BCAS3: variants seen among roughly 807,000 people sequenced by gnomAD.
BCAS3 encodes BCAS4/BCAS3 fusion.
In BCAS3, 53 loss-of-function variants were observed where a neutral mutation model predicts 116.1. The observed-to-expected ratio is 0.46, with a 90% CI of 0.37 to 0.57. The LOEUF (loss-of-function observed/expected upper bound fraction) is 0.57, where lower values mean the gene tolerates loss of function less well. Ranked by LOEUF, BCAS3 falls within the 20% of genes least tolerant of loss-of-function variation. BCAS3 has a pLI of 0.00. For missense variants in BCAS3, 917 were observed against 1,165.4 expected (o/e 0.79, Z 3.10); for synonymous variants, 391 against 408.2 (o/e 0.96, Z 0.51).
chr17:60,780,405 C>T (rs967625466), intron 6 of BCAS3, among the ~76,000 whole-genome samples: 13 of 151,654 alleles, frequency 8.6e-5, no homozygotes, highest in African/African-American at 1.9e-4. Flanking sequence ...TGGGTTCAAG[C>T]GATTCTCCTG....
At position 61,378,483 on chromosome 17, in the gene BCAS3, C is replaced by T. The variant is rs1173710457; in HGVS notation, c.2593+9989C>T. ...CATTAACTTGCTCACCAATTCCCTTCGTTTTGCCATTGGAAAAGGGCCGGC... is the reference window on the plus strand; with the variant it reads ...CATTAACTTGCTCACCAATTCCCTTTGTTTTGCCATTGGAAAAGGGCCGGC... On this transcript the variant is annotated intron_variant, in intron 23 of 23. Transcript: ENST00000407086. This position sits in a 1 kb window ranked among gnomAD's most constrained non-coding sequence, Gnocchi z 5.8. 2 of 152,244 alleles carry T rather than the reference C, an allele frequency of 1.3e-5. No homozygotes were observed. Among genetic ancestry groups the T allele is most frequent in the Non-Finnish European group, 2.9e-5 (2 of 68,070 alleles). The allele number at this position is 152,244 out of a possible 1,614,324, so 9.4% of individuals were successfully genotyped here.
chr17:60,758,360 T>G (rs956332091), intron 6 of BCAS3, among the ~76,000 whole-genome samples: 4 of 152,178 alleles, frequency 2.6e-5, no homozygotes, highest in African/African-American at 9.6e-5. Context: ...CATTGATACT[T>G]TGTATTGTTT....
rs1312858484 is a variant in BCAS3, at chr17:61,116,249, T to TAAAA, written c.2425+31688_2425+31689insAAAA. ...TAAAACTTAAAGTATAATAAAAAAA[T>TAAAA]AAATAAATAAATAAATAAATAAATA... On this transcript the variant is annotated intron_variant, in intron 22 of 23. Transcript: ENST00000407086. Among the ~76,000 whole-genome samples the TAAAA allele has an allele frequency of 2.1e-3, 40 of 19,506 alleles. No homozygotes were observed. The South Asian group carries it at 0.028, about 14-fold the overall frequency. The allele number at this position is 19,506 out of a possible 152,430, so 12.8% of individuals were successfully genotyped here.
chr17:61,337,675 T>G lies in BCAS3; in HGVS notation c.2426-30652T>G, dbSNP rs2056833603. 6.6e-6 allele frequency among the ~76,000 whole-genome samples: 1 copy of G among 152,220 alleles called. No homozygotes were observed. The highest frequency in any genetic ancestry group is 1.5e-5 in the Non-Finnish European group (1 of 68,038). ...TGGTGGGATTGTTTTTATTGTTTTT[T>G]TTTCCTTTTTCTTTTTGCGCTCACC... On this transcript the variant is annotated intron_variant, in intron 22 of 23. Transcript: ENST00000407086. The surrounding 1 kb of genome is among the most constrained non-coding windows in gnomAD (Gnocchi z 4.8).
chr17:61,322,856 C>CAGAGAGAGAGAGACAGAGAGAGAGAG (rs2055404974), intron 22 of BCAS3, among the ~76,000 whole-genome samples: 6 of 60,512 alleles, frequency 9.9e-5, no homozygotes, highest in Non-Finnish European at 1.7e-4. Context: ...GAGAGAGAGA[C>CAGAGAGAGAGAGACAGAGAGAGAGAG]AGAGAGAGAG....
At chr17:61,135,673 A>T (rs924807280) in intron 22 of BCAS3, among the ~76,000 whole-genome samples, 3 of 152,196 alleles carry the variant, frequency 2.0e-5, no homozygotes, top group African/African-American at 4.8e-5. Flanking sequence ...TCACATTTTT[A>T]AATGGGAGGA....
At chr17:61,342,750 TC>T (rs371156504) in intron 22 of BCAS3, among the ~76,000 whole-genome samples, 1 of 147,882 alleles carries the variant, frequency 6.8e-6, no homozygotes, top group Non-Finnish European at 1.5e-5. Context: ...GATTTTCTTT[TC>T]TTTTTTTTTT....
chr17:61,392,623 A>C lies in BCAS3; in HGVS notation c.*498A>C, dbSNP rs1569008017. 1 of 155,454 alleles carries C rather than the reference A, an allele frequency of 6.4e-6. No homozygotes were observed. The highest frequency in any genetic ancestry group is 6.4e-5 in the Admixed American group (1 of 15,524). The allele number at this position is 155,454 out of a possible 1,614,324, so 9.6% of individuals were successfully genotyped here. ...CCCCACTCCAGCACGGGGTGAACGG[A>C]GGCCCAGAGTACTAGGGAAGGAGGA... On this transcript the variant is annotated 3_prime_UTR_variant, in exon 24 of 24. Transcript: ENST00000407086. This position sits in a 1 kb window ranked among gnomAD's most constrained non-coding sequence, Gnocchi z 6.4.
intron 19 of BCAS3, among the ~76,000 whole-genome samples, chr17:61,057,390 A>G (rs2143261851): frequency 6.6e-6 from 1 of 152,340 alleles, no homozygotes; most frequent in South Asian, 2.1e-4. Context: ...GTGTAAGTTT[A>G]TATATGACAG....
At chr17:60,739,810 A>G (rs1360798887) in intron 5 of BCAS3, among the ~76,000 whole-genome samples, 1 of 151,780 alleles carries the variant, frequency 6.6e-6, no homozygotes, top group Admixed American at 6.6e-5. Context: ...TGTCCAAGAA[A>G]GTTTTTGTCT....
At chr17:61,317,076 A>G (rs2054811450) in intron 22 of BCAS3, among the ~76,000 whole-genome samples, 1 of 152,210 alleles carries the variant, frequency 6.6e-6, no homozygotes. Flanking sequence ...GTTTTCTTAA[A>G]AAAGTTTAGG....
intron 23 of BCAS3, among the ~76,000 whole-genome samples, chr17:61,385,266 T>C (rs1017156882): frequency 6.6e-6 from 1 of 152,198 alleles, no homozygotes; most frequent in East Asian, 1.9e-4. Flanking sequence ...ACCAGGAGGC[T>C]GCCAGCCCTG....
At chr17:60,833,531 T>C (rs1045167492) in intron 7 of BCAS3, among the ~76,000 whole-genome samples, 3 of 152,242 alleles carry the variant, frequency 2.0e-5, no homozygotes, top group Non-Finnish European at 2.9e-5. Flanking sequence ...ATTATAACCT[T>C]AGTATTTTGC....
chr17:61,058,479 G>A (rs1315489065), intron 19 of BCAS3, among the ~76,000 whole-genome samples: 1 of 152,052 alleles, frequency 6.6e-6, no homozygotes, highest in Non-Finnish European at 1.5e-5. Context: ...TTGGTCACTC[G>A]GCTGATTTCT....
chr17:60,891,753 A>G (rs2057167486), intron 10 of BCAS3: 1 of 455,862 alleles, frequency 2.2e-6, no homozygotes, highest in Non-Finnish European at 4.4e-6. Flanking sequence ...TCCATCATCC[A>G]GATATTGAAC....
chr17:60,746,098 A>G (rs1203785333), intron 5 of BCAS3, among the ~76,000 whole-genome samples: 1 of 152,102 alleles, frequency 6.6e-6, no homozygotes, highest in Non-Finnish European at 1.5e-5. Flanking sequence ...TATTGAATTT[A>G]TATCTTTATT....
chr17:60,712,798 C>G (rs2038093943), intron 5 of BCAS3, among the ~76,000 whole-genome samples: 1 of 152,128 alleles, frequency 6.6e-6, no homozygotes, highest in Non-Finnish European at 1.5e-5. Context: ...ATGGCTGAAG[C>G]TTACATAGTG....
At chr17:61,238,544 A>G (rs1386138182) in intron 22 of BCAS3, among the ~76,000 whole-genome samples, 3 of 151,944 alleles carry the variant, frequency 2.0e-5, no homozygotes, top group Non-Finnish European at 4.4e-5. Flanking sequence ...TGCTTGACCA[A>G]TTCCATCATA....
intron 22 of BCAS3, among the ~76,000 whole-genome samples, chr17:61,094,788 G>A (rs983974628): frequency 7.2e-5 from 11 of 152,116 alleles, no homozygotes; most frequent in African/African-American, 2.7e-4. Flanking sequence ...AGGTTGCAGT[G>A]AGCCAAGATC....
Sources: gnomAD v4.1 joint callset for allele counts (sites outside exome capture counted in the v4.1 genomes callset) on GRCh38, gnomAD v4.1.1 for gene constraint, Gnocchi (gnomAD v3.1) non-coding constraint, MANE v1.5 for transcripts, NCBI Gene and HGNC (gene_info 2026-07-23, HGNC 2026-07-21) for gene names.